GALNT10: variants seen among roughly 807,000 people sequenced by gnomAD.
GALNT10 encodes polypeptide N-acetylgalactosaminyltransferase 10.
In GALNT10, 41 loss-of-function variants were observed where a neutral mutation model predicts 75.0. That is an observed-to-expected ratio of 0.55 (90% confidence interval 0.43 to 0.71). GALNT10 has a LOEUF of 0.71. GALNT10 is among the 30% of genes least tolerant of loss of function. The pLI is 0.00. For synonymous variants in GALNT10, 302 were observed against 313.0 expected, an observed-to-expected ratio of 0.96 and a Z score of 0.37; for missense variants, 727 against 818.5, an observed-to-expected ratio of 0.89 and a Z score of 1.36.
At chr5:154,329,960 GC>G (rs1754820453) in intron 4 of GALNT10, 2 of 41,914 alleles carry the variant, frequency 4.8e-5, no homozygotes, top group East Asian at 3.9e-4. Context: ...TGTATTAACT[GC>G]AAAAAAAAAA....
chr5:154,339,788 A>C (rs1755002761), intron 4 of GALNT10, among the ~76,000 whole-genome samples: 1 of 152,224 alleles, frequency 6.6e-6, no homozygotes. Flanking sequence ...ATGAGGATTA[A>C]AGTCTAACCT....
intron 4 of GALNT10, among the ~76,000 whole-genome samples, chr5:154,335,392 T>C (rs960062322): frequency 2.0e-5 from 3 of 152,150 alleles, no homozygotes; most frequent in African/African-American, 7.2e-5. Flanking sequence ...GTCCAGGCAA[T>C]GTAGAGTACA....
Position 154,412,773 on chromosome 5 carries a change from A to T in GALNT10, c.1387-116A>T. 1 of 779,996 alleles carries T rather than the reference A, an allele frequency of 1.3e-6. No homozygotes were observed. Among genetic ancestry groups the T allele is most frequent in the South Asian group, 1.4e-5 (1 of 71,694 alleles). 48.3% of individuals were successfully genotyped at this position (779,996 alleles called of 1,614,324 possible). ...GCCCAGGGCAAGCTTTATCAAGACG[A>T]TTTGAAGGTTAATCCAGCTAATGTC... On this transcript the variant is annotated intron_variant, in intron 9 of 11. Coordinates refer to ENST00000297107, the MANE Select transcript of GALNT10 (RefSeq NM_198321.4). This position sits in a 1 kb window ranked among gnomAD's most constrained non-coding sequence, Gnocchi z 4.2.
intron 4 of GALNT10, among the ~76,000 whole-genome samples, chr5:154,353,702 G>A (rs770712823): frequency 6.6e-6 from 1 of 152,212 alleles, no homozygotes; most frequent in Non-Finnish European, 1.5e-5. Context: ...GAGAGAATAG[G>A]CAACAGGCAG....
intron 3 of GALNT10, among the ~76,000 whole-genome samples, chr5:154,319,205 GA>G (rs1754640625): frequency 6.6e-6 from 1 of 152,192 alleles, no homozygotes; most frequent in South Asian, 2.1e-4. Flanking sequence ...TAGGGTGAGG[GA>G]AACAGAGGGA....
rs144059366 is a variant in GALNT10 at position 154,389,313 on chromosome 5, A to G, written c.1056+2883A>G. On this transcript the variant is annotated intron_variant, in intron 7 of 11. Coordinates refer to ENST00000297107, the MANE Select transcript of GALNT10 (RefSeq NM_198321.4). ...TGTATAAAAGTCTAGTAGTTCTGAT[A>G]TAACACTGTCAGCCATAATTCTGGT... The G allele has an allele frequency of 3.6e-4, 55 of 152,038 alleles. No homozygotes were observed. In the East Asian group the frequency reaches 0.01, roughly 28 times the overall value. The allele number at this position is 152,038 out of a possible 1,614,324, so 9.4% of individuals were successfully genotyped here.
chr5:154,372,740 T>A (rs1581997277), intron 4 of GALNT10, among the ~76,000 whole-genome samples: 1 of 151,966 alleles, frequency 6.6e-6, no homozygotes, highest in African/African-American at 2.4e-5. Context: ...CACATGGACC[T>A]CGGCAGCCCC....
intron 1 of GALNT10, among the ~76,000 whole-genome samples, chr5:154,293,220 A>G (rs989988535): frequency 1.3e-5 from 2 of 152,216 alleles, no homozygotes; most frequent in African/African-American, 2.4e-5. Context: ...CCAGCACACC[A>G]CACATCAGGG....
rs757847718 is a variant in GALNT10, at chr5:154,409,763, G to A, written c.1386+1G>A. ...GCCCCCGGCTGCAGCTTGGGGGGAG[G>A]TGAGTCTGGAGGGCAGGGCTGGCTC... On this transcript the variant is annotated splice_donor_variant, in intron 9 of 11. Transcript: ENST00000297107. LOFTEE classifies it high-confidence loss of function. The surrounding 1 kb of genome is among the most constrained non-coding windows in gnomAD (Gnocchi z 4.5). 2 of 1,605,638 alleles carry A rather than the reference G, an allele frequency of 1.2e-6. No individual in the cohort carries two copies. Among genetic ancestry groups the A allele is most frequent in the Admixed American group, 3.3e-5 (2 of 60,024 alleles).
At chr5:154,211,673 G>A (rs762792794) in intron 1 of GALNT10, among the ~76,000 whole-genome samples, 3 of 152,170 alleles carry the variant, frequency 2.0e-5, no homozygotes, top group Non-Finnish European at 4.4e-5. Context: ...TCATGAGGTC[G>A]CTATCAAGAT....
intron 5 of GALNT10, among the ~76,000 whole-genome samples, chr5:154,378,124 C>T (rs1755684605): frequency 6.6e-6 from 1 of 152,100 alleles, no homozygotes; most frequent in South Asian, 2.1e-4. Context: ...AAATGTGAAC[C>T]AGTGATGTAG....
intron 3 of GALNT10, among the ~76,000 whole-genome samples, chr5:154,303,531 T>G (rs1754389463): frequency 6.6e-6 from 1 of 152,178 alleles, no homozygotes; most frequent in East Asian, 1.9e-4. Context: ...TGCATAGTGC[T>G]CACTCAGGGC....
intron 1 of GALNT10, among the ~76,000 whole-genome samples, chr5:154,256,092 A>G (rs1236529379): frequency 6.6e-6 from 1 of 152,080 alleles, no homozygotes; most frequent in Non-Finnish European, 1.5e-5. Context: ...TTCTCAAGGT[A>G]GACAAAAACA....
At chr5:154,365,958 G>T (rs981393306) in intron 4 of GALNT10, among the ~76,000 whole-genome samples, 1 of 152,088 alleles carries the variant, frequency 6.6e-6, no homozygotes, top group Non-Finnish European at 1.5e-5. Context: ...TCTCTTTGCT[G>T]TCTCCTCCCA....
intron 2 of GALNT10, among the ~76,000 whole-genome samples, chr5:154,296,924 C>G (rs1754283643): frequency 6.6e-6 from 1 of 152,184 alleles, no homozygotes; most frequent in Admixed American, 6.5e-5. Flanking sequence ...TTGGAGTAGT[C>G]AGAGCCCTTG....
At chr5:154,299,020 T>C (rs1313170131) in intron 3 of GALNT10, among the ~76,000 whole-genome samples, 2 of 152,220 alleles carry the variant, frequency 1.3e-5, no homozygotes, top group African/African-American at 4.8e-5. Flanking sequence ...ATGAAGGCAG[T>C]ACTGAGTAGC....
intron 1 of GALNT10, among the ~76,000 whole-genome samples, chr5:154,251,539 T>C (rs1422977228): frequency 6.6e-6 from 1 of 152,190 alleles, no homozygotes; most frequent in African/African-American, 2.4e-5. Flanking sequence ...TTGACCCCTC[T>C]GGCAAGAATT....
intron 1 of GALNT10, among the ~76,000 whole-genome samples, chr5:154,256,033 T>C (rs6580066): frequency 0.18 from 27,394 of 151,470 alleles, 2,644 homozygotes; most frequent in African/African-American, 0.22. Context: ...AGTGGGGAGG[T>C]TGACAGAGGA....
chr5:154,256,418 G>A (rs1753614394), intron 1 of GALNT10, among the ~76,000 whole-genome samples: 3 of 149,950 alleles, frequency 2.0e-5, no homozygotes, highest in African/African-American at 7.4e-5. Flanking sequence ...TGCAGTTTGA[G>A]ACTTTTTTTC....
Sources: allele counts gnomAD v4.1 joint callset (sites outside exome capture counted in the v4.1 genomes callset), GRCh38; gene constraint gnomAD v4.1.1; non-coding constraint Gnocchi (gnomAD v3.1); transcripts MANE v1.5; gene names NCBI Gene and HGNC (gene_info 2026-07-23, HGNC 2026-07-21).